Variants in PGP observed in about 807,000 individuals in gnomAD.
The protein encoded by PGP is aspartate-based ubiquitous Mg(2+)-dependent phosphatase.
PGP carries 9 observed loss-of-function variants against 19.3 expected under a neutral mutation model. The observed-to-expected ratio is 0.47, with a 90% CI of 0.28 to 0.81. The LOEUF (loss-of-function observed/expected upper bound fraction) is 0.81. Among genes scored for constraint, PGP ranks in the 40% least tolerant of loss-of-function variants. The pLI is 0.11. For synonymous variants in PGP, 308 were observed against 226.8 expected (o/e 1.36, Z -3.22); for missense variants, 403 against 479.9 (o/e 0.84, Z 1.50).
In PGP at chr16:2,212,731, T is replaced by C. The variant is rs2141404081; in HGVS notation, c.*997A>G. ...TGACAGGCATTCCTTGGCCAACACA[T>C]GCTTGAGCCGCGCTGCTGGCTGCAG... On this transcript the variant is annotated 3_prime_UTR_variant, in exon 2 of 2. Transcript: ENST00000333503. The C allele has an allele frequency of 3.0e-6, 3 of 985,386 alleles. No homozygotes were observed. The highest frequency in any genetic ancestry group is 3.6e-6 in the Non-Finnish European group (3 of 829,910). The allele number at this position is 985,386 out of a possible 1,614,324, so 61.0% of individuals were successfully genotyped here.
Position 2,214,723 on chromosome 16 carries a change from C to G in PGP, c.55G>C (p.Glu19Gln), listed in dbSNP as rs1053905148. 2 of 1,304,272 alleles carry G rather than the reference C, an allele frequency of 1.5e-6. No homozygotes were observed. The highest frequency in any genetic ancestry group is 7.5e-5 in the Admixed American group (2 of 26,596). 80.8% of individuals were successfully genotyped at this position (1,304,272 alleles called of 1,614,324 possible). The change falls in exon 1 of 2, where the codon GAG (glutamate) becomes CAG (glutamine). Residue 19 changes from glutamate to glutamine, a missense_variant. Glu to Gln is a conservative substitution (Grantham distance 29). Coordinates refer to ENST00000333503, the MANE Select transcript of PGP (RefSeq NM_001042371.3). The surrounding 1 kb of genome is among the most constrained non-coding windows in gnomAD (Gnocchi z 7.1). ...DDARCVRLSA[E>Q]RAQALLADVD... ...TCGGCCAGCAGCGCCTGTGCCCGCT[C>G]GGCGCTCAGCCGCACGCAGCGGGCG...
chr16:2,213,580 C>G lies in PGP; in HGVS notation c.*148G>C. On this transcript the variant is annotated 3_prime_UTR_variant, in exon 2 of 2. Transcript: ENST00000333503. ...AAATCGTCCCCCAAACGTGTACTTA[C>G]AAGGTTAACAATGAATGCCTTTGCT... 2.6e-6 allele frequency: 2 copies of G among 783,024 alleles called. No individual in the cohort carries two copies. Among genetic ancestry groups the G allele is most frequent in the South Asian group, 5.0e-5 (2 of 39,986 alleles). 48.5% of individuals were successfully genotyped at this position (783,024 alleles called of 1,614,324 possible). A position where few individuals can be genotyped will look rare whatever the true frequency, so the allele number is the denominator to read the frequency against.
chr16:2,213,017 G>A lies in PGP; in HGVS notation c.*711C>T. ...GTAGCTGCTCCGTCCAAATCACCTG[G>A]GTATAAATGCACACTTGAGACAGCA... On this transcript the variant is annotated 3_prime_UTR_variant, in exon 2 of 2. Coordinates refer to ENST00000333503, the MANE Select transcript of PGP (RefSeq NM_001042371.3). The A allele has an allele frequency of 1.0e-6, 1 of 985,526 alleles. No homozygotes were observed. The highest frequency in any genetic ancestry group is 1.2e-6 in the Non-Finnish European group (1 of 829,960). The allele number at this position is 985,526 out of a possible 1,614,324, so 61.0% of individuals were successfully genotyped here.
rs758543019 is a variant in PGP, at chr16:2,212,304, C to G, written c.*1424G>C. On this transcript the variant is annotated 3_prime_UTR_variant, in exon 2 of 2. Coordinates refer to ENST00000333503, the MANE Select transcript of PGP (RefSeq NM_001042371.3). ...TGAAGGCTCAGGACGCCTCTTATTG[C>G]TCTGAAGTCTTTGTGACCAAGTGGA... is the stretch of plus-strand genomic sequence containing the variant. 1 of 985,962 alleles carries G rather than the reference C, an allele frequency of 1.0e-6. No homozygotes were observed. Among genetic ancestry groups the G allele is most frequent in the African/African-American group, 1.7e-5 (1 of 57,270 alleles). The allele number at this position is 985,962 out of a possible 1,614,324, so 61.1% of individuals were successfully genotyped here. A position where few individuals can be genotyped will look rare whatever the true frequency, so the allele number is the denominator to read the frequency against.
rs764723990 is a variant in PGP, at chr16:2,214,646, G to A, written c.132C>T (p.Thr44=). 151 of 1,446,330 alleles carry A rather than the reference G, an allele frequency of 1.0e-4. No individual in the cohort carries two copies. Among genetic ancestry groups the A allele is most frequent in the Non-Finnish European group, 1.3e-4 (143 of 1,102,022 alleles). 89.6% of individuals were successfully genotyped at this position (1,446,330 alleles called of 1,614,324 possible). A position where few individuals can be genotyped will look rare whatever the true frequency, so the allele number is the denominator to read the frequency against. The change falls in exon 1 of 2, where the codon ACC becomes ACT. Residue 44 remains threonine, a synonymous_variant. Coordinates refer to ENST00000333503, the MANE Select transcript of PGP (RefSeq NM_001042371.3). The surrounding 1 kb of genome is among the most constrained non-coding windows in gnomAD (Gnocchi z 7.1). ...DCDGVLWRGE[T]AVPGAPEALR... ...GGGCCTCGGGCGCGCCAGGCACGGC[G>A]GTCTCCCCGCGCCACAGCACGCCGT... is the stretch of plus-strand genomic sequence containing the variant.
Position 2,212,030 on chromosome 16 carries a change from C to T in PGP, c.*1698G>A. The T allele has an allele frequency of 2.0e-6, 2 of 985,538 alleles. No homozygotes were observed. Among genetic ancestry groups the T allele is most frequent in the Non-Finnish European group, 2.4e-6 (2 of 829,976 alleles). The allele number at this position is 985,538 out of a possible 1,614,324, so 61.0% of individuals were successfully genotyped here. Reference sequence around the variant, plus strand: ...AGAGTTTAATCTGTGCTCTGGCGCCCACAGTGCTGCAGCCCCTCATGGGCC... The same window carrying T: ...AGAGTTTAATCTGTGCTCTGGCGCCTACAGTGCTGCAGCCCCTCATGGGCC... On this transcript the variant is annotated 3_prime_UTR_variant, in exon 2 of 2. Transcript: ENST00000333503.
At position 2,212,852 on chromosome 16, in the gene PGP, G is replaced by C. The variant is rs1402250119; in HGVS notation, c.*876C>G. 1 of 985,360 alleles carries C rather than the reference G, an allele frequency of 1.0e-6. No homozygotes were observed. The allele number at this position is 985,360 out of a possible 1,614,324, so 61.0% of individuals were successfully genotyped here. On this transcript the variant is annotated 3_prime_UTR_variant, in exon 2 of 2. Coordinates refer to ENST00000333503, the MANE Select transcript of PGP (RefSeq NM_001042371.3). ...GCTCCTTCAGTGGAATTTTGCCTACGACACAGAGCACAGCTATTAATACAC... is the reference window on the plus strand; with the variant it reads ...GCTCCTTCAGTGGAATTTTGCCTACCACACAGAGCACAGCTATTAATACAC...
In PGP at chr16:2,211,776, G is replaced by A; in HGVS notation, c.*1952C>T. On this transcript the variant is annotated 3_prime_UTR_variant, in exon 2 of 2. Coordinates refer to ENST00000333503, the MANE Select transcript of PGP (RefSeq NM_001042371.3). ...GGCGCTCTGACACGGCAGCCCACCA[G>A]CTTCACTCCAGGGCCCTTTGCTTCC... 2 of 985,596 alleles carry A rather than the reference G, an allele frequency of 2.0e-6. No homozygotes were observed. Among genetic ancestry groups the A allele is most frequent in the Non-Finnish European group, 2.4e-6 (2 of 830,050 alleles). The allele number at this position is 985,596 out of a possible 1,614,324, so 61.1% of individuals were successfully genotyped here.
Position 2,212,446 on chromosome 16 carries a change from T to C in PGP, c.*1282A>G, listed in dbSNP as rs1441107272. 38 of 985,578 alleles carry C rather than the reference T, an allele frequency of 3.9e-5. No homozygotes were observed. The highest frequency in any genetic ancestry group is 4.6e-5 in the Non-Finnish European group (38 of 830,034). The allele number at this position is 985,578 out of a possible 1,614,324, so 61.1% of individuals were successfully genotyped here. ...GCCCTGCTGAGTCTGCTGTCAGGCCTGTGAAAGGTCAGCAGAGCCAAGGAG... is the reference window on the plus strand; with the variant it reads ...GCCCTGCTGAGTCTGCTGTCAGGCCCGTGAAAGGTCAGCAGAGCCAAGGAG... On this transcript the variant is annotated 3_prime_UTR_variant, in exon 2 of 2. Transcript: ENST00000333503.
Position 2,214,191 on chromosome 16 carries a change from A to C in PGP, c.587T>G (p.Val196Gly). The part of the protein sequence containing the change: ...RYLQQPGCLL[V>G]GTNMDNRLPL... ...AAGCCGGTTGTCCATGTTGGTGCCC[A>C]CGAGCAGGCAGCCGGGCTGCTGCAG... Residue 196 changes from valine (V) to glycine (G), a missense_variant, in exon 1 of 2, where the codon GTG becomes GGG. Transcript: ENST00000333503. The surrounding 1 kb of genome is among the most constrained non-coding windows in gnomAD (Gnocchi z 7.1). 6.3e-7 allele frequency: 1 copy of C among 1,591,176 alleles called. No homozygotes were observed.
chr16:2,214,268 C>T lies in PGP; in HGVS notation c.510G>A (p.Val170=). ...TGTAGCTGAAGTGCGGGTCAAAGCCCACCACCACCGCGCGCACGTCGGGCT... is the reference window on the plus strand; with the variant it reads ...TGTAGCTGAAGTGCGGGTCAAAGCCTACCACCACCGCGCGCACGTCGGGCT... ...PLEPDVRAVV[V]GFDPHFSYMK... is the part of the protein sequence containing the mutation. Residue 170 remains valine (V), a synonymous_variant, in exon 1 of 2, where the codon GTG becomes GTA. Transcript: ENST00000333503. The surrounding 1 kb of genome is among the most constrained non-coding windows in gnomAD (Gnocchi z 7.1). The T allele has an allele frequency of 1.3e-6, 2 of 1,579,736 alleles. No individual in the cohort carries two copies. Among genetic ancestry groups the T allele is most frequent in the Non-Finnish European group, 1.7e-6 (2 of 1,171,586 alleles).
rs1474562389 is a variant in PGP at position 2,213,668 on chromosome 16, T to C, written c.*60A>G. 2 of 1,439,858 alleles carry C rather than the reference T, an allele frequency of 1.4e-6. No homozygotes were observed. The highest frequency in any genetic ancestry group is 2.4e-5 in the East Asian group (1 of 41,452). 89.2% of individuals were successfully genotyped at this position (1,439,858 alleles called of 1,614,324 possible). A position where few individuals can be genotyped will look rare whatever the true frequency, so the allele number is the denominator to read the frequency against. ...CAGATGCTTAAGCCCCACCTATTAA[T>C]TTGGGTAACTGGTTTTCAATTTCTT... On this transcript the variant is annotated 3_prime_UTR_variant, in exon 2 of 2. Transcript: ENST00000333503.
Position 2,212,101 on chromosome 16 carries a change from G to C in PGP, c.*1627C>G. 1.0e-6 allele frequency: 1 copy of C among 985,588 alleles called. No homozygotes were observed. The highest frequency in any genetic ancestry group is 1.2e-6 in the Non-Finnish European group (1 of 829,940). 61.1% of individuals were successfully genotyped at this position (985,588 alleles called of 1,614,324 possible). ...CTCCCAGCCCCTACCCGGCAAGAGA[G>C]GCATCACTGAGGCTGCATCTGCCAT... On this transcript the variant is annotated 3_prime_UTR_variant, in exon 2 of 2. Coordinates refer to ENST00000333503, the MANE Select transcript of PGP (RefSeq NM_001042371.3).
In PGP at chr16:2,213,158, A is replaced by G; in HGVS notation, c.*570T>C. ...TTCAAGGAAGTAAGGGAGGTGGGAG[A>G]GTGGTGAGGGCAGCACTTTGCACCC... On this transcript the variant is annotated 3_prime_UTR_variant, in exon 2 of 2. Coordinates refer to ENST00000333503, the MANE Select transcript of PGP (RefSeq NM_001042371.3). 1 of 985,436 alleles carries G rather than the reference A, an allele frequency of 1.0e-6. No individual in the cohort carries two copies. Among genetic ancestry groups the G allele is most frequent in the Non-Finnish European group, 1.2e-6 (1 of 829,934 alleles). 61.0% of individuals were successfully genotyped at this position (985,436 alleles called of 1,614,324 possible). A position where few individuals can be genotyped will look rare whatever the true frequency, so the allele number is the denominator to read the frequency against.
rs2093378136 is a variant in PGP, at chr16:2,212,553, A to C, written c.*1175T>G. On this transcript the variant is annotated 3_prime_UTR_variant, in exon 2 of 2. Coordinates refer to ENST00000333503, the MANE Select transcript of PGP (RefSeq NM_001042371.3). Reference sequence around the variant, plus strand: ...AGTCCTGCTGGCCACTGAAGAGGGAATCCAGGGCAAGGCAGGTGACCTCCT... The same window carrying C: ...AGTCCTGCTGGCCACTGAAGAGGGACTCCAGGGCAAGGCAGGTGACCTCCT... 1 of 985,406 alleles carries C rather than the reference A, an allele frequency of 1.0e-6. No individual in the cohort carries two copies. 61.0% of individuals were successfully genotyped at this position (985,406 alleles called of 1,614,324 possible).
At position 2,214,162 on chromosome 16, in the gene PGP, G is replaced by A. The variant is rs1204909637; in HGVS notation, c.616C>T (p.Leu206Phe). The A allele has an allele frequency of 6.4e-7, 1 of 1,562,206 alleles. No individual in the cohort carries two copies. The highest frequency in any genetic ancestry group is 8.6e-7 in the Non-Finnish European group (1 of 1,160,038). ...CCCGCGATGAAGCGGCCGTTCTCAA[G>A]CGGAAGCCGGTTGTCCATGTTGGTG... ...VGTNMDNRLP[L>F]ENGRFIAGTG... is the part of the protein sequence containing the mutation. The change falls in exon 1 of 2, where the codon CTT (leucine) becomes TTT (phenylalanine). Residue 206 changes from leucine to phenylalanine, a missense_variant. Leu to Phe is a conservative substitution (Grantham distance 22). Coordinates refer to ENST00000333503, the MANE Select transcript of PGP (RefSeq NM_001042371.3). The surrounding 1 kb of genome is among the most constrained non-coding windows in gnomAD (Gnocchi z 7.1).
Position 2,214,753 on chromosome 16 carries a change from C to T in PGP, c.25G>A (p.Asp9Asn). 2 of 1,172,794 alleles carry T rather than the reference C, an allele frequency of 1.7e-6. No homozygotes were observed. The highest frequency in any genetic ancestry group is 2.1e-6 in the Non-Finnish European group (2 of 949,570). The allele number at this position is 1,172,794 out of a possible 1,614,324, so 72.6% of individuals were successfully genotyped here. ...CTCAGCCGCACGCAGCGGGCGTCGT[C>T]GCCACCGGCCTCCGCCGCCGCCATC... MAAAEAGGDDARCVRLSAE... is the reference protein window; with the variant it reads MAAAEAGGNDARCVRLSAE... The change falls in exon 1 of 2, where the codon GAC (aspartate) becomes AAC (asparagine). Residue 9 changes from aspartate to asparagine, a missense_variant. Physicochemically the swap from Asp to Asn is conservative, Grantham distance 23. Coordinates refer to ENST00000333503, the MANE Select transcript of PGP (RefSeq NM_001042371.3). This position sits in a 1 kb window ranked among gnomAD's most constrained non-coding sequence, Gnocchi z 7.1.
Position 2,212,157 on chromosome 16 carries a change from C to A in PGP, c.*1571G>T, listed in dbSNP as rs2093376994. 2 of 985,616 alleles carry A rather than the reference C, an allele frequency of 2.0e-6. No individual in the cohort carries two copies. Among genetic ancestry groups the A allele is most frequent in the African/African-American group, 1.7e-5 (1 of 57,258 alleles). The allele number at this position is 985,616 out of a possible 1,614,324, so 61.1% of individuals were successfully genotyped here. A position where few individuals can be genotyped will look rare whatever the true frequency, so the allele number is the denominator to read the frequency against. Reference sequence around the variant, plus strand: ...CCTGGTGTGACTGCACCCTGTCAGGCCAGACCCGGCTTGAGCCAACTTAGC... The same window carrying A: ...CCTGGTGTGACTGCACCCTGTCAGGACAGACCCGGCTTGAGCCAACTTAGC... On this transcript the variant is annotated 3_prime_UTR_variant, in exon 2 of 2. Coordinates refer to ENST00000333503, the MANE Select transcript of PGP (RefSeq NM_001042371.3).
chr16:2,213,840 G>A lies in PGP; in HGVS notation c.854C>T (p.Thr285Ile). 6.2e-7 allele frequency: 1 copy of A among 1,612,186 alleles called. No individual in the cohort carries two copies. Among genetic ancestry groups the A allele is most frequent in the Non-Finnish European group, 8.5e-7 (1 of 1,178,536 alleles). ...CTGATTATTCTTCACATCCCCTAGA[G>A]TGGAGACTCCGGTGAGGGTCAGGAT... ...KTILTLTGVSTLGDVKNNQES... is the reference protein window; with the variant it reads ...KTILTLTGVSILGDVKNNQES... Residue 285 changes from threonine to isoleucine, a missense_variant, in exon 2 of 2, where the codon ACT becomes ATT. Thr to Ile is a moderately conservative substitution (Grantham distance 89). Coordinates refer to ENST00000333503, the MANE Select transcript of PGP (RefSeq NM_001042371.3).
Sources: gnomAD v4.1 joint callset for allele counts on GRCh38, gnomAD v4.1.1 for gene constraint, Gnocchi (gnomAD v3.1) non-coding constraint, MANE v1.5 for transcripts, NCBI Gene and HGNC (gene_info 2026-07-23, HGNC 2026-07-21) for gene names.